Variants in MASP2 observed in about 807,000 individuals in gnomAD.
MASP2 encodes mannan-binding lectin serine protease 2.
Under a neutral mutation model 57.1 loss-of-function variants are expected in MASP2, and 49 were observed. The ratio of observed to expected loss-of-function variants is 0.86; its 90% CI spans 0.68 to 1.09. The LOEUF (loss-of-function observed/expected upper bound fraction) is 1.09, where lower values mean the gene tolerates loss of function less well. Among genes scored for constraint, MASP2 ranks in the 50% least tolerant of loss-of-function variants. MASP2 has a pLI of 0.00. For synonymous variants in MASP2, 379 were observed against 340.8 expected, an observed-to-expected ratio of 1.11 and a Z score of -1.24; for missense variants, 900 against 874.8, an observed-to-expected ratio of 1.03 and a Z score of -0.36.
chr1:11,043,325 C>A lies in MASP2; in HGVS notation c.741+14G>T, dbSNP rs1301435922. On this transcript the variant is annotated intron_variant, in intron 5 of 10. Transcript: ENST00000400897. ...GGAGGATCTGGGACAAGATGAGGGG[C>A]CCAGGAGCCAGACCTTGAGAAAGTC... 3.8e-6 allele frequency: 6 copies of A among 1,594,650 alleles called. No individual in the cohort carries two copies. The highest frequency in any genetic ancestry group is 4.3e-6 in the Non-Finnish European group (5 of 1,170,036).
chr1:11,032,333 C>T (rs1437622346), intron 8 of MASP2, among the ~76,000 whole-genome samples: 2 of 152,074 alleles, frequency 1.3e-5, no homozygotes, highest in Non-Finnish European at 2.9e-5. Context: ...ACGATTAGGC[C>T]GGGCCTGGTG....
chr1:11,046,877 C>G lies in MASP2; in HGVS notation c.234+14G>C. On this transcript the variant is annotated intron_variant, in intron 2 of 10. Transcript: ENST00000400897. Reference sequence around the variant, plus strand: ...CGACCCTGAGAAACCCCAGCCCTCCCGTCCTGACGGCACCTTGACGAAGTC... The same window carrying G: ...CGACCCTGAGAAACCCCAGCCCTCCGGTCCTGACGGCACCTTGACGAAGTC... The G allele has an allele frequency of 1.9e-6, 3 of 1,558,222 alleles. No individual in the cohort carries two copies. The East Asian group carries it at 7.2e-5, about 37-fold the overall frequency.
chr1:11,044,388 G>C (rs1220080841), intron 4 of MASP2, among the ~76,000 whole-genome samples: 1 of 152,178 alleles, frequency 6.6e-6, no homozygotes, highest in Non-Finnish European at 1.5e-5. Context: ...GAGTTGTGAG[G>C]CCTCTAGGAA....
intron 7 of MASP2, among the ~76,000 whole-genome samples, chr1:11,036,545 A>AAAAAAAAAAAAG (rs1557670977): frequency 6.7e-6 from 1 of 148,590 alleles, no homozygotes; most frequent in African/African-American, 2.5e-5. Flanking sequence ...AAACAAAAAA[A>AAAAAAAAAAAAG]AAAGAAACTA....
Position 11,046,880 on chromosome 1 carries a change from C to T in MASP2, c.234+11G>A. The T allele has an allele frequency of 6.4e-7, 1 of 1,559,644 alleles. No individual in the cohort carries two copies. The highest frequency in any genetic ancestry group is 8.7e-7 in the Non-Finnish European group (1 of 1,151,340). On this transcript the variant is annotated intron_variant, in intron 2 of 10. Transcript: ENST00000400897. ...CCCTGAGAAACCCCAGCCCTCCCGT[C>T]CTGACGGCACCTTGACGAAGTCGTA...
chr1:11,036,542 A>AAC (rs1638243803), intron 7 of MASP2, among the ~76,000 whole-genome samples: 1 of 147,824 alleles, frequency 6.8e-6, no homozygotes, highest in African/African-American at 2.5e-5. Context: ...AAAAAACAAA[A>AAC]AAAAAAGAAA....
At chr1:11,030,422 T>G in intron 9 of MASP2, 172 bp from the exon 10 acceptor site, 1 of 599,586 alleles carries the variant, frequency 1.7e-6, no homozygotes, top group Non-Finnish European at 2.9e-6. Context: ...TTACCATGTT[T>G]GCTTGCAAAG....
Position 11,027,606 on chromosome 1 carries a change from C to T in MASP2, c.1340G>A (p.Gly447Glu), listed in dbSNP as rs752327976. ...SARTTGGRIY[G>E]GQKAKPGDFP... is the part of the protein sequence containing the mutation. ...ATCACCAGGTTTTGCCTTTTGCCCT[C>T]CATATATACGCCCTCCTGTTGTGCG... The change falls in exon 11 of 11, where the codon GGA becomes GAA. Residue 447 changes from glycine (G) to glutamate (E), a missense_variant. Gly to Glu is a moderately conservative substitution (Grantham distance 98). Transcript: ENST00000400897. 1 of 1,613,948 alleles carries T rather than the reference C, an allele frequency of 6.2e-7. No homozygotes were observed. The highest frequency in any genetic ancestry group is 1.3e-5 in the African/African-American group (1 of 74,914).
intron 10 of MASP2, 89 bp from the exon 11 acceptor site, chr1:11,027,737 G>A: frequency 1.5e-6 from 2 of 1,377,290 alleles, no homozygotes; most frequent in Non-Finnish European, 2.0e-6. Context: ...GTATATATTT[G>A]ATGTCAACCA....
At chr1:11,036,111 G>A (rs1391178479) in intron 7 of MASP2, among the ~76,000 whole-genome samples, 1 of 152,200 alleles carries the variant, frequency 6.6e-6, no homozygotes, top group Non-Finnish European at 1.5e-5. Flanking sequence ...GACTTGCTAA[G>A]ATAATGTTTT....
intron 8 of MASP2, among the ~76,000 whole-genome samples, chr1:11,034,525 C>CT (rs1643874285): frequency 6.6e-6 from 1 of 151,748 alleles, no homozygotes; most frequent in Non-Finnish European, 1.5e-5. Flanking sequence ...TGGCAAAACT[C>CT]TGTCTCTACA....
At chr1:11,039,902 A>G (rs6657807) in intron 6 of MASP2, among the ~76,000 whole-genome samples, 82,723 of 120,374 alleles carry the variant, frequency 0.69, 27,464 homozygotes, top group East Asian at 0.75. Flanking sequence ...ATGGATGGAT[A>G]GATGGATGGA....
In MASP2 at chr1:11,037,737, C is replaced by G. The variant is rs2100889223; in HGVS notation, c.964G>C (p.Asp322His). 6.2e-7 allele frequency: 1 copy of G among 1,613,108 alleles called. No individual in the cohort carries two copies. Residue 322 changes from aspartate to histidine, a missense_variant, in exon 7 of 11, where the codon GAC becomes CAC. Coordinates refer to ENST00000400897, the MANE Select transcript of MASP2 (RefSeq NM_006610.4). Reference sequence around the variant, plus strand: ...GTCTCGCAAAAGATGGAGAAGCTGTCTTTCAGGATGTATTTGGCTTGCACA... The same window carrying G: ...GTCTCGCAAAAGATGGAGAAGCTGTGTTTCAGGATGTATTTGGCTTGCACA... Reference protein sequence around the residue: ...SPVQAKYILKDSFSIFCETGY... With the variant: ...SPVQAKYILKHSFSIFCETGY...
chr1:11,035,950 AG>A (rs2100885735), intron 7 of MASP2, among the ~76,000 whole-genome samples: 1 of 149,558 alleles, frequency 6.7e-6, no homozygotes, highest in East Asian at 2.0e-4. Flanking sequence ...TTGAGAAAGC[AG>A]GTGTGATCAG....
chr1:11,031,883 C>T (rs538241755), intron 8 of MASP2, among the ~76,000 whole-genome samples: 20 of 151,826 alleles, frequency 1.3e-4, no homozygotes, highest in Admixed American at 5.2e-4. Context: ...ACTGCACTAC[C>T]GCCTGGGTGA....
intron 10 of MASP2, 138 bp downstream of exon 10, chr1:11,030,038 A>G (rs1643815921): frequency 3.3e-6 from 2 of 615,264 alleles, no homozygotes; most frequent in South Asian, 2.0e-5. Context: ...AGAACATACT[A>G]TTTGGAAATA....
At chr1:11,047,174 C>G in intron 1 of MASP2, 29 bp downstream of exon 1, 1 of 1,558,736 alleles carries the variant, frequency 6.4e-7, no homozygotes, top group Non-Finnish European at 8.7e-7. Flanking sequence ...ACCCCACACC[C>G]TGCAGGGAGG....
At chr1:11,037,175 C>G (rs1182994920) in intron 7 of MASP2, among the ~76,000 whole-genome samples, 2 of 152,048 alleles carry the variant, frequency 1.3e-5, no homozygotes, top group Non-Finnish European at 2.9e-5. Flanking sequence ...GCCTCAGCCA[C>G]CCGAGTAGCT....
chr1:11,045,626 A>T, intron 3 of MASP2, 87 bp from the exon 4 acceptor site: 1 of 1,423,042 alleles, frequency 7.0e-7, no homozygotes, highest in Non-Finnish European at 9.4e-7. Flanking sequence ...CCATGACCTC[A>T]GAGTGGACCT....
Sources: allele counts gnomAD v4.1 joint callset (sites outside exome capture counted in the v4.1 genomes callset), GRCh38; gene constraint gnomAD v4.1.1; transcripts MANE v1.5; gene names NCBI Gene and HGNC (gene_info 2026-07-23, HGNC 2026-07-21).